The following XPNPEP1 variants were observed in gnomAD, a reference collection of about 807,000 sequenced individuals.
The protein encoded by XPNPEP1 is X-prolyl aminopeptidase 1, also known as xaa-Pro aminopeptidase 1.
Under a neutral mutation model 92.4 loss-of-function variants are expected in XPNPEP1, and 39 were observed. The ratio of observed to expected loss-of-function variants is 0.42; its 90% CI spans 0.33 to 0.55. The LOEUF is 0.55. Ranked by LOEUF, XPNPEP1 falls within the 20% of genes least tolerant of loss-of-function variation. XPNPEP1 has a pLI of 0.08. For synonymous variants in XPNPEP1, 307 were observed against 299.4 expected (o/e 1.03, Z -0.26); for missense variants, 654 against 856.1 (o/e 0.76, Z 2.95).
chr10:109,909,852 C>T (rs1024051465), intron 2 of XPNPEP1, among the ~76,000 whole-genome samples: 2 of 152,132 alleles, frequency 1.3e-5, no homozygotes, highest in Non-Finnish European at 2.9e-5. Flanking sequence ...ACAGAGTTCC[C>T]ATGTAGCTCC....
chr10:109,889,505 T>A (rs533437944), intron 5 of XPNPEP1, among the ~76,000 whole-genome samples: 1 of 152,314 alleles, frequency 6.6e-6, no homozygotes, highest in African/African-American at 2.4e-5. Flanking sequence ...AGCCTCTGGG[T>A]TCCCCAACTC....
chr10:109,923,229 G>A (rs1850655603), intron 1 of XPNPEP1, 173 bp downstream of exon 1: 2 of 985,200 alleles, frequency 2.0e-6, no homozygotes, highest in Admixed American at 6.2e-5. Flanking sequence ...CCGGCCTCAT[G>A]GACCCCTTCC....
intron 2 of XPNPEP1, among the ~76,000 whole-genome samples, chr10:109,911,744 T>C (rs1185200852): frequency 6.6e-6 from 1 of 152,232 alleles, no homozygotes; most frequent in Non-Finnish European, 1.5e-5. Flanking sequence ...ACTTAACTGG[T>C]CTGGAGTACA....
chr10:109,874,550 G>A (rs1847670706), intron 15 of XPNPEP1, among the ~76,000 whole-genome samples: 1 of 152,212 alleles, frequency 6.6e-6, no homozygotes, highest in South Asian at 2.1e-4. Context: ...ACACCCCTGT[G>A]TCCCAAGGCC....
chr10:109,913,629 A>G (rs952988389), intron 2 of XPNPEP1, among the ~76,000 whole-genome samples: 4 of 152,218 alleles, frequency 2.6e-5, no homozygotes, highest in African/African-American at 9.6e-5. Flanking sequence ...GTACTTGCCC[A>G]AAGTCAGCTG....
In XPNPEP1 at chr10:109,896,038, C is replaced by T. The variant is rs117368642; in HGVS notation, c.247-2963G>A. Among the ~76,000 whole-genome samples the T allele has an allele frequency of 3.0e-3, 459 of 152,352 alleles. 3 individuals carry two copies. The highest frequency in any genetic ancestry group is 5.1e-3 in the Non-Finnish European group (347 of 68,034). ...ATTCACCATGCTCCAGACACACCCA[C>T]CTCCTTTCTGCTCTTTGCATATCCT... On this transcript the variant is annotated intron_variant, in intron 3 of 20. Coordinates refer to ENST00000502935, the MANE Select transcript of XPNPEP1 (RefSeq NM_020383.4).
At chr10:109,891,671 C>A (rs1848709777) in intron 5 of XPNPEP1, 51 bp downstream of exon 5, 7 of 1,440,628 alleles carry the variant, frequency 4.9e-6, no homozygotes, top group African/African-American at 1.5e-5. Flanking sequence ...CCTCTAGGAT[C>A]CCTGCCCAGA....
At chr10:109,914,498 TA>T (rs1240987282) in intron 2 of XPNPEP1, among the ~76,000 whole-genome samples, 1 of 150,716 alleles carries the variant, frequency 6.6e-6, no homozygotes. Flanking sequence ...CTTACTACCT[TA>T]AAAAAAAATG....
At chr10:109,910,628 T>A (rs1205491384) in intron 2 of XPNPEP1, among the ~76,000 whole-genome samples, 1 of 152,130 alleles carries the variant, frequency 6.6e-6, no homozygotes, top group Non-Finnish European at 1.5e-5. Flanking sequence ...TAGCCCTGAA[T>A]AATACTCCAT....
At chr10:109,914,548 G>A (rs1428642455) in intron 2 of XPNPEP1, among the ~76,000 whole-genome samples, 1 of 152,150 alleles carries the variant, frequency 6.6e-6, no homozygotes, top group Non-Finnish European at 1.5e-5. Context: ...TGTAATCCCA[G>A]CACTTTGGGA....
chr10:109,907,317 C>T (rs182041148), intron 3 of XPNPEP1, among the ~76,000 whole-genome samples: 1 of 152,332 alleles, frequency 6.6e-6, no homozygotes, highest in African/African-American at 2.4e-5. Context: ...CGCCCATCAA[C>T]CCTATCACAT....
chr10:109,877,693 G>A, intron 14 of XPNPEP1, 97 bp downstream of exon 14: 1 of 1,377,358 alleles, frequency 7.3e-7, no homozygotes, highest in East Asian at 2.3e-5. Context: ...AGATGAAGGT[G>A]GGCACAGAGG....
intron 5 of XPNPEP1, among the ~76,000 whole-genome samples, chr10:109,890,455 G>A (rs539862895): frequency 1.2e-4 from 19 of 152,150 alleles, no homozygotes; most frequent in Non-Finnish European, 2.4e-4. Flanking sequence ...TACATGTTGC[G>A]GGTGCTTGAC....
chr10:109,883,291 G>C (rs1237299273), intron 9 of XPNPEP1, among the ~76,000 whole-genome samples: 1 of 151,898 alleles, frequency 6.6e-6, no homozygotes, highest in Non-Finnish European at 1.5e-5. Context: ...TGTTCCCTCT[G>C]CTTGGATCAT....
chr10:109,905,093 A>AAC (rs1429526883), intron 3 of XPNPEP1, among the ~76,000 whole-genome samples: 1 of 152,226 alleles, frequency 6.6e-6, no homozygotes, highest in Non-Finnish European at 1.5e-5. Context: ...AAAAGAAAGA[A>AAC]ATCCTGTCAT....
intron 15 of XPNPEP1, among the ~76,000 whole-genome samples, chr10:109,874,422 C>T (rs1240981574): frequency 6.6e-6 from 1 of 152,238 alleles, no homozygotes; most frequent in Non-Finnish European, 1.5e-5. Flanking sequence ...TCTTAACACA[C>T]ACTAGACTAT....
intron 1 of XPNPEP1, among the ~76,000 whole-genome samples, chr10:109,916,901 GA>G (rs1204996076): frequency 1.3e-5 from 2 of 152,066 alleles, no homozygotes; most frequent in African/African-American, 4.8e-5. Flanking sequence ...AACAAACGCA[GA>G]AAAAGCACGA....
chr10:109,873,009 A>C (rs1291956099), intron 16 of XPNPEP1, among the ~76,000 whole-genome samples: 3 of 152,232 alleles, frequency 2.0e-5, no homozygotes, highest in Admixed American at 2.0e-4. Context: ...TCTCAAAAAA[A>C]GAAGGGGGTG....
intron 16 of XPNPEP1, 142 bp from the exon 17 acceptor site, chr10:109,872,003 T>TG (rs1366900272): frequency 1.2e-6 from 1 of 809,834 alleles, no homozygotes; most frequent in African/African-American, 1.7e-5. Flanking sequence ...AAAAATCTGG[T>TG]GGAAAAAAAG....
Sources: allele counts gnomAD v4.1 joint callset (sites outside exome capture counted in the v4.1 genomes callset), GRCh38; gene constraint gnomAD v4.1.1; transcripts MANE v1.5; gene names NCBI Gene and HGNC (gene_info 2026-07-23, HGNC 2026-07-21).